The following GFOD1 variants were observed in gnomAD, a reference collection of about 807,000 sequenced individuals.
GFOD1 encodes the protein Gfo/Idh/MocA-like oxidoreductase domain containing 1.
In GFOD1, 9 loss-of-function variants were observed where a neutral mutation model predicts 25.4. That is an observed-to-expected ratio of 0.35 (90% CI 0.21 to 0.62). GFOD1 has a LOEUF of 0.62. Ranked by LOEUF, GFOD1 falls within the 20% of genes least tolerant of loss-of-function variation. The probability of loss-of-function intolerance (pLI) is 0.72; values close to 1 mark genes in which losing one functional copy is unlikely to be tolerated. For synonymous variants in GFOD1, 253 were observed against 245.6 expected (o/e 1.03, Z -0.28); for missense variants, 403 against 556.9 (o/e 0.72, Z 2.78).
chr6:13,462,509 A>C (rs1758309649), intron 1 of GFOD1, among the ~76,000 whole-genome samples: 1 of 152,222 alleles, frequency 6.6e-6, no homozygotes, highest in Admixed American at 6.5e-5. Context: ...AACTGTGAGC[A>C]CCTGGGAGAA....
At chr6:13,382,404 T>C (rs1310633868) in intron 1 of GFOD1, among the ~76,000 whole-genome samples, 1 of 151,790 alleles carries the variant, frequency 6.6e-6, no homozygotes, top group Non-Finnish European at 1.5e-5. Context: ...TCTCATGAGA[T>C]CTGATGGTTT....
intron 1 of GFOD1, among the ~76,000 whole-genome samples, chr6:13,440,630 C>G (rs1245654765): frequency 2.6e-5 from 4 of 152,216 alleles, no homozygotes; most frequent in Non-Finnish European, 4.4e-5. Context: ...CCTCCCATTT[C>G]AGGACTGGCT....
intron 1 of GFOD1, among the ~76,000 whole-genome samples, chr6:13,375,680 C>T (rs1785241673): frequency 2.0e-5 from 3 of 152,090 alleles, no homozygotes; most frequent in Admixed American, 6.6e-5. Context: ...ACATTCAACC[C>T]GCCCATAAGG....
At chr6:13,412,769 C>A (rs1175267017) in intron 1 of GFOD1, among the ~76,000 whole-genome samples, 1 of 152,226 alleles carries the variant, frequency 6.6e-6, no homozygotes, top group African/African-American at 2.4e-5. Context: ...GCCCTGTGCT[C>A]TGAGCACTTC....
chr6:13,452,688 A>G (rs1758120453), intron 1 of GFOD1, among the ~76,000 whole-genome samples: 1 of 152,170 alleles, frequency 6.6e-6, no homozygotes, highest in African/African-American at 2.4e-5. Flanking sequence ...GGCTTCTGTG[A>G]CTTGTAAGCA....
At chr6:13,431,707 C>T (rs1292909167) in intron 1 of GFOD1, among the ~76,000 whole-genome samples, 1 of 152,158 alleles carries the variant, frequency 6.6e-6, no homozygotes, top group East Asian at 1.9e-4. Flanking sequence ...GAGAAAGAAA[C>T]CAAAGCAATA....
chr6:13,470,524 G>A, intron 1 of GFOD1: 2 of 1,549,868 alleles, frequency 1.3e-6, no homozygotes, highest in Middle Eastern at 1.7e-4. Context: ...AATGTCCCAT[G>A]TGGGGGTGCT....
intron 1 of GFOD1, among the ~76,000 whole-genome samples, chr6:13,420,315 T>C (rs1314548664): frequency 1.3e-5 from 2 of 152,180 alleles, no homozygotes; most frequent in African/African-American, 4.8e-5. Flanking sequence ...CATGGAGGCC[T>C]GGCAGGGGTC....
intron 1 of GFOD1, among the ~76,000 whole-genome samples, chr6:13,431,513 C>T (rs1054400396): frequency 1.4e-4 from 21 of 152,194 alleles, no homozygotes; most frequent in Admixed American, 2.0e-4. Context: ...TAAAGTCATA[C>T]GCTGAAAGAG....
chr6:13,476,780 G>T (rs934161371), intron 1 of GFOD1, among the ~76,000 whole-genome samples: 4 of 152,140 alleles, frequency 2.6e-5, no homozygotes, highest in African/African-American at 9.7e-5. Context: ...TTAATGTAAA[G>T]TTATTTTTCC....
intron 1 of GFOD1, chr6:13,470,159 C>T (rs370010460): frequency 4.5e-5 from 69 of 1,531,100 alleles, no homozygotes; most frequent in Non-Finnish European, 5.9e-5. Context: ...AGTGATGTCC[C>T]ACTGGCTTCC....
At chr6:13,393,570 T>G (rs920756111) in intron 1 of GFOD1, among the ~76,000 whole-genome samples, 1 of 151,882 alleles carries the variant, frequency 6.6e-6, no homozygotes, top group African/African-American at 2.4e-5. Context: ...AAACAGAGTC[T>G]CCTCCTCTCA....
At chr6:13,376,468 G>C (rs1785259461) in intron 1 of GFOD1, among the ~76,000 whole-genome samples, 1 of 152,050 alleles carries the variant, frequency 6.6e-6, no homozygotes, top group Non-Finnish European at 1.5e-5. Context: ...TGCACCCCCT[G>C]GATCCAAGGG....
At chr6:13,445,301 G>C (rs1312634353) in intron 1 of GFOD1, among the ~76,000 whole-genome samples, 2 of 152,160 alleles carry the variant, frequency 1.3e-5, no homozygotes, top group Non-Finnish European at 1.5e-5. Flanking sequence ...ATTCATATTT[G>C]ATTACTAAGG....
At chr6:13,371,958 T>A (rs567476815) in intron 1 of GFOD1, among the ~76,000 whole-genome samples, 2 of 152,344 alleles carry the variant, frequency 1.3e-5, no homozygotes, top group Admixed American at 1.3e-4. Context: ...AGGACTGGCC[T>A]GAGTCTTCTG....
chr6:13,373,952 C>T (rs1785200431), intron 1 of GFOD1, among the ~76,000 whole-genome samples: 1 of 152,164 alleles, frequency 6.6e-6, no homozygotes, highest in Non-Finnish European at 1.5e-5. Flanking sequence ...AACATCAATA[C>T]AACTTCCCAA....
chr6:13,444,715 C>T (rs62385768), intron 1 of GFOD1, among the ~76,000 whole-genome samples: 37,959 of 151,890 alleles, frequency 0.25, 5,485 homozygotes, highest in Non-Finnish European at 0.32. Context: ...GTACATTGTT[C>T]TTTAGACATA....
At chr6:13,380,968 C>G (rs923637811) in intron 1 of GFOD1, among the ~76,000 whole-genome samples, 1 of 152,214 alleles carries the variant, frequency 6.6e-6, no homozygotes, top group African/African-American at 2.4e-5. Flanking sequence ...TTTCTTCCCT[C>G]CTACAACCTC....
chr6:13,366,785 C>T (rs1203175527), intron 1 of GFOD1, among the ~76,000 whole-genome samples: 1 of 151,902 alleles, frequency 6.6e-6, no homozygotes, highest in African/African-American at 2.4e-5. Flanking sequence ...TGTCCTGGTC[C>T]CAAAAGGCCA....
Sources: gnomAD v4.1 joint callset for allele counts (sites outside exome capture counted in the v4.1 genomes callset) on GRCh38, gnomAD v4.1.1 for gene constraint, MANE v1.5 for transcripts, NCBI Gene and HGNC (gene_info 2026-07-23, HGNC 2026-07-21) for gene names.